FHAD1: variants seen among roughly 807,000 people sequenced by gnomAD.
The protein encoded by FHAD1 is forkhead associated phosphopeptide binding domain 1.
A neutral mutation model predicts 191.3 loss-of-function variants in FHAD1; 146 were observed. The observed-to-expected ratio is 0.76, with a 90% CI of 0.67 to 0.88. FHAD1 has a LOEUF of 0.88. Ranked by LOEUF, FHAD1 falls within the 40% of genes least tolerant of loss-of-function variation. FHAD1 has a pLI of 0.00. For missense variants in FHAD1, 1,635 were observed against 1,785.8 expected (o/e 0.92, Z 1.52); for synonymous variants, 616 against 672.3 (o/e 0.92, Z 1.29).
At chr1:15,335,933 C>T (rs2102027684) in intron 14 of FHAD1, among the ~76,000 whole-genome samples, 1 of 152,254 alleles carries the variant, frequency 6.6e-6, no homozygotes, top group Middle Eastern at 3.4e-3. Flanking sequence ...CTGGGTCACA[C>T]GTTGCAGCCG....
chr1:15,352,597 A>G (rs2102487336), intron 19 of FHAD1, among the ~76,000 whole-genome samples: 1 of 152,252 alleles, frequency 6.6e-6, no homozygotes, highest in South Asian at 2.1e-4. Context: ...CCAGGACCCA[A>G]CCATTCACCA....
rs894381161 is a variant in FHAD1, at chr1:15,312,826, C to T, written c.1040-231C>T. Reference sequence around the variant, plus strand: ...GGCAGGGCCGATGCCCACAGCACCCCGACAGATGTTTCCTGTCTCCAGCAA... The same window carrying T: ...GGCAGGGCCGATGCCCACAGCACCCTGACAGATGTTTCCTGTCTCCAGCAA... On this transcript the variant is annotated intron_variant, in intron 7 of 33. Coordinates refer to ENST00000688493, the MANE Select transcript of FHAD1 (RefSeq NM_001391957.1). The surrounding 1 kb of genome is among the most constrained non-coding windows in gnomAD (Gnocchi z 4.7). Among the ~76,000 whole-genome samples, 3 of 152,266 alleles carry T rather than the reference C, an allele frequency of 2.0e-5. No homozygotes were observed. Among genetic ancestry groups the T allele is most frequent in the East Asian group, 1.9e-4 (1 of 5,186 alleles).
rs560191403 is a variant in FHAD1 at position 15,276,165 on chromosome 1, C to A, written c.300+3636C>A. ...TGCTTCACCTCTCAAAGCCTCAGTTCCCATTTCTGTAAAATTGGAATCCTA... is the reference window on the plus strand; with the variant it reads ...TGCTTCACCTCTCAAAGCCTCAGTTACCATTTCTGTAAAATTGGAATCCTA... On this transcript the variant is annotated intron_variant, in intron 3 of 33. Transcript: ENST00000688493. The surrounding 1 kb of genome is among the most constrained non-coding windows in gnomAD (Gnocchi z 4.7). 4.5e-4 allele frequency among the ~76,000 whole-genome samples: 69 copies of A among 152,184 alleles called. No individual in the cohort carries two copies. The highest frequency in any genetic ancestry group is 8.5e-4 in the Admixed American group (13 of 15,276).
intron 27 of FHAD1, among the ~76,000 whole-genome samples, chr1:15,375,203 G>C (rs1252260212): frequency 6.6e-6 from 1 of 152,086 alleles, no homozygotes; most frequent in Non-Finnish European, 1.5e-5. Context: ...TGTCATGGAT[G>C]AATACTGTCT....
At chr1:15,348,727 C>G (rs533269148) in intron 18 of FHAD1, among the ~76,000 whole-genome samples, 1 of 152,292 alleles carries the variant, frequency 6.6e-6, no homozygotes, top group African/African-American at 2.4e-5. Context: ...GTCGAGAGCT[C>G]TTTATTCAGG....
At chr1:15,341,927 T>G (rs1175969007) in intron 16 of FHAD1, 39 bp downstream of exon 16, 1 of 1,531,178 alleles carries the variant, frequency 6.5e-7, no homozygotes, top group East Asian at 2.5e-5. Context: ...TACTGGAAAC[T>G]GATGAAATGG....
At chr1:15,302,678 C>G (rs1375042534) in intron 6 of FHAD1, among the ~76,000 whole-genome samples, 2 of 138,076 alleles carry the variant, frequency 1.4e-5, no homozygotes, top group Admixed American at 1.3e-4. Context: ...AAGATAGCAC[C>G]ACTGCACTCA....
intron 3 of FHAD1, among the ~76,000 whole-genome samples, chr1:15,282,489 T>C (rs1660961853): frequency 6.6e-6 from 1 of 152,246 alleles, no homozygotes; most frequent in Non-Finnish European, 1.5e-5. Context: ...AACTGATGAA[T>C]GTTTCCAACC....
intron 19 of FHAD1, among the ~76,000 whole-genome samples, chr1:15,351,112 A>G (rs1422339216): frequency 2.0e-5 from 3 of 152,208 alleles, no homozygotes; most frequent in Non-Finnish European, 4.4e-5. Context: ...TGGGAGGCCA[A>G]GGCAGACAGA....
rs1171366309 is a variant in FHAD1 at position 15,397,316 on chromosome 1, C to T, written c.4343C>T (p.Ser1448Phe). The T allele has an allele frequency of 6.5e-7, 1 of 1,537,772 alleles. No individual in the cohort carries two copies. ...TTAAAGGTTGGAACCAGAAAAGCCT[C>T]CCTAAAGATGGACCAAGAAAGAGAG... ...SNSQVGTRKA[S>F]LKMDQEREML... Residue 1448 changes from serine to phenylalanine, a missense_variant, in exon 34 of 34, where the codon TCC (serine) becomes TTC (phenylalanine). By Grantham distance (155) the Ser-to-Phe change is radical. Coordinates refer to ENST00000688493, the MANE Select transcript of FHAD1 (RefSeq NM_001391957.1).
intron 3 of FHAD1, among the ~76,000 whole-genome samples, chr1:15,288,737 A>G (rs1280943934): frequency 6.6e-6 from 1 of 152,252 alleles, no homozygotes; most frequent in Non-Finnish European, 1.5e-5. Flanking sequence ...CAGCAGATCA[A>G]TACCACGTCT....
At chr1:15,380,667 T>G in intron 28 of FHAD1, 34 bp from the exon 29 acceptor site, 2 of 1,499,578 alleles carry the variant, frequency 1.3e-6, no homozygotes, top group Non-Finnish European at 1.8e-6. Context: ...TAATGGAATG[T>G]CAAGAGAGGC....
chr1:15,363,620 C>T, intron 23 of FHAD1: 1 of 368,048 alleles, frequency 2.7e-6, no homozygotes, highest in Non-Finnish European at 5.3e-6. Context: ...ATTAAGCAGA[C>T]AGAGATTTCA....
intron 10 of FHAD1, among the ~76,000 whole-genome samples, chr1:15,321,062 G>A (rs1481216907): frequency 2.6e-5 from 4 of 152,184 alleles, no homozygotes; most frequent in Non-Finnish European, 4.4e-5. Context: ...AGCCTCCTGA[G>A]TAGCTGGGAC....
chr1:15,380,259 C>A (rs780558276), intron 28 of FHAD1, among the ~76,000 whole-genome samples: 3 of 152,096 alleles, frequency 2.0e-5, no homozygotes, highest in Non-Finnish European at 4.4e-5. Context: ...ATTTTAGGGC[C>A]CCACAATCTG....
At chr1:15,383,027 C>A (rs1261663909) in intron 31 of FHAD1, 2 of 464,658 alleles carry the variant, frequency 4.3e-6, no homozygotes, top group African/African-American at 4.0e-5. Context: ...CGCACGCGCA[C>A]ACACTCTGGT....
At chr1:15,375,195 T>TCA (rs1558267707) in intron 27 of FHAD1, among the ~76,000 whole-genome samples, 1 of 152,118 alleles carries the variant, frequency 6.6e-6, no homozygotes. Context: ...GAGAACTTTG[T>TCA]CATGGATGAA....
At chr1:15,374,389 CA>C in intron 26 of FHAD1, 112 bp from the exon 27 acceptor site, 3 of 1,307,048 alleles carry the variant, frequency 2.3e-6, no homozygotes, top group Non-Finnish European at 2.1e-6. Flanking sequence ...GCTATTTTTC[CA>C]AAGGTGCTAA....
At chr1:15,308,003 T>TA (rs1381500664) in intron 6 of FHAD1, among the ~76,000 whole-genome samples, 2 of 152,226 alleles carry the variant, frequency 1.3e-5, no homozygotes, top group Non-Finnish European at 2.9e-5. Flanking sequence ...GTGCTGGGAT[T>TA]ACAGGCGTGA....
Sources: allele counts gnomAD v4.1 joint callset (sites outside exome capture counted in the v4.1 genomes callset), GRCh38; gene constraint gnomAD v4.1.1; non-coding constraint Gnocchi (gnomAD v3.1); transcripts MANE v1.5; gene names NCBI Gene and HGNC (gene_info 2026-07-23, HGNC 2026-07-21).